Variants in RIT2 observed in about 807,000 individuals in gnomAD.
The protein encoded by RIT2 is GTP-binding protein Rit2.
RIT2 carries 24 observed loss-of-function variants against 23.7 expected under a neutral mutation model. The ratio of observed to expected loss-of-function variants is 1.01; its 90% confidence interval spans 0.73 to 1.43. RIT2 has a LOEUF of 1.43. Ranked by LOEUF, RIT2 falls within the 40% of genes most tolerant of loss-of-function variation. The pLI, the probability that RIT2 is intolerant of heterozygous loss-of-function variation, is 0.00. For missense variants in RIT2, 236 were observed against 266.9 expected, an observed-to-expected ratio of 0.88 and a Z score of 0.81; for synonymous variants, 107 against 91.1, an observed-to-expected ratio of 1.17 and a Z score of -0.99.
chr18:42,916,519 C>G (rs1424521138), intron 4 of RIT2, among the ~76,000 whole-genome samples: 3 of 152,076 alleles, frequency 2.0e-5, no homozygotes, highest in African/African-American at 7.2e-5. Flanking sequence ...GTGCGGAAGC[C>G]TATATCAGAA....
intron 3 of RIT2, among the ~76,000 whole-genome samples, chr18:42,932,702 G>A (rs547299082): frequency 2.6e-4 from 39 of 152,166 alleles, no homozygotes; most frequent in African/African-American, 9.2e-4. Flanking sequence ...CAGAAAGGTA[G>A]TGATGATATC....
At chr18:42,883,465 A>G (rs1907946495) in intron 4 of RIT2, among the ~76,000 whole-genome samples, 1 of 152,096 alleles carries the variant, frequency 6.6e-6, no homozygotes, top group Non-Finnish European at 1.5e-5. Flanking sequence ...GACATTAGAG[A>G]CTCAGCAGGA....
chr18:42,892,051 A>G (rs1233062219), intron 4 of RIT2, among the ~76,000 whole-genome samples: 1 of 152,072 alleles, frequency 6.6e-6, no homozygotes, highest in East Asian at 1.9e-4. Context: ...CCTAAGAAAA[A>G]AAAACACACT....
intron 4 of RIT2, among the ~76,000 whole-genome samples, chr18:42,876,031 G>A (rs570545871): frequency 1.3e-5 from 2 of 151,848 alleles, no homozygotes; most frequent in African/African-American, 4.8e-5. Flanking sequence ...TTATGGAAGG[G>A]TAGGATTTGT....
intron 1 of RIT2, among the ~76,000 whole-genome samples, chr18:43,084,365 C>T (rs1347665087): frequency 2.0e-5 from 3 of 152,112 alleles, no homozygotes; most frequent in Non-Finnish European, 4.4e-5. Flanking sequence ...TACCATTTGA[C>T]CCAGCAATCC....
chr18:42,809,861 T>G (rs1905788399), intron 4 of RIT2, among the ~76,000 whole-genome samples: 1 of 127,432 alleles, frequency 7.8e-6, no homozygotes, highest in Non-Finnish European at 1.5e-5. Context: ...ATATATATTA[T>G]ATATAATATA....
chr18:42,928,903 A>G (rs1477775476), intron 3 of RIT2, among the ~76,000 whole-genome samples: 1 of 151,486 alleles, frequency 6.6e-6, no homozygotes, highest in Non-Finnish European at 1.5e-5. Flanking sequence ...TGAGGAATGC[A>G]TTTTATCATG....
chr18:42,839,890 AG>A (rs1461414438), intron 4 of RIT2, among the ~76,000 whole-genome samples: 2 of 152,222 alleles, frequency 1.3e-5, no homozygotes, highest in African/African-American at 4.8e-5. Flanking sequence ...TCAGACTTGT[AG>A]GAAGCCAGAT....
intron 3 of RIT2, among the ~76,000 whole-genome samples, chr18:42,954,374 CA>C (rs200231977): frequency 0.084 from 7,217 of 86,236 alleles, 152 homozygotes; most frequent in East Asian, 0.22. Context: ...ATTTCCAACT[CA>C]AAAAAAAAAA....
chr18:43,097,624 T>C (rs1303585447), intron 1 of RIT2, among the ~76,000 whole-genome samples: 1 of 151,960 alleles, frequency 6.6e-6, no homozygotes, highest in African/African-American at 2.4e-5. Flanking sequence ...GAACAAAGTG[T>C]TTGTATAAGA....
At chr18:43,082,696 A>C (rs1348594631) in intron 1 of RIT2, among the ~76,000 whole-genome samples, 3 of 152,088 alleles carry the variant, frequency 2.0e-5, no homozygotes, top group African/African-American at 7.2e-5. Context: ...TGCAAAAAAA[A>C]ACACACAATA....
intron 3 of RIT2, among the ~76,000 whole-genome samples, chr18:42,925,202 A>G (rs1909150612): frequency 6.6e-6 from 1 of 152,068 alleles, no homozygotes; most frequent in Non-Finnish European, 1.5e-5. Context: ...ATATGGGAGA[A>G]AAAATATTCT....
At chr18:42,982,276 C>A (rs1367232460) in intron 2 of RIT2, among the ~76,000 whole-genome samples, 3 of 152,118 alleles carry the variant, frequency 2.0e-5, no homozygotes, top group African/African-American at 7.2e-5. Flanking sequence ...TGTCTCAGCT[C>A]TCAGAGAAAG....
intron 4 of RIT2, among the ~76,000 whole-genome samples, chr18:42,894,618 T>C (rs1908273645): frequency 6.6e-6 from 1 of 152,212 alleles, no homozygotes; most frequent in Admixed American, 6.5e-5. Context: ...ATGTGTCTGA[T>C]ATTGGTAAAT....
intron 3 of RIT2, among the ~76,000 whole-genome samples, chr18:42,930,434 G>A (rs1251401938): frequency 6.6e-6 from 1 of 151,930 alleles, no homozygotes; most frequent in African/African-American, 2.4e-5. Flanking sequence ...TCTCACATTA[G>A]ATATAAAAAA....
intron 1 of RIT2, among the ~76,000 whole-genome samples, chr18:43,096,329 G>A (rs117099539): frequency 0.039 from 5,977 of 151,828 alleles, 175 homozygotes; most frequent in South Asian, 0.12. Flanking sequence ...GGAAACTATC[G>A]TCTTCCTTGT....
At chr18:42,797,735 G>A (rs1023765620) in intron 4 of RIT2, among the ~76,000 whole-genome samples, 4 of 152,120 alleles carry the variant, frequency 2.6e-5, no homozygotes, top group Admixed American at 1.3e-4. Context: ...ACCTTGCTAT[G>A]AGCTGAATTT....
At chr18:42,922,939 C>T (rs1023059024) in intron 4 of RIT2, among the ~76,000 whole-genome samples, 1 of 152,080 alleles carries the variant, frequency 6.6e-6, no homozygotes, top group Middle Eastern at 3.2e-3. Flanking sequence ...TTTTGATCAT[C>T]TATTGCTGCA....
chr18:42,987,154 CATAAT>C (rs1176800338), intron 2 of RIT2, among the ~76,000 whole-genome samples: 1 of 152,024 alleles, frequency 6.6e-6, no homozygotes, highest in Admixed American at 6.6e-5. Flanking sequence ...TGTATGAAAG[CATAAT>C]ATAAGTGTTT....
Sources: gnomAD v4.1 joint callset for allele counts (sites outside exome capture counted in the v4.1 genomes callset) on GRCh38, gnomAD v4.1.1 for gene constraint, MANE v1.5 for transcripts, NCBI Gene and HGNC (gene_info 2026-07-23, HGNC 2026-07-21) for gene names.